The following KCNJ6 variants were observed in gnomAD, a reference collection of about 807,000 sequenced individuals.
KCNJ6 encodes the protein potassium inwardly rectifying channel subfamily J member 6.
A neutral mutation model predicts 34.2 loss-of-function variants in KCNJ6; 9 were observed. The observed-to-expected ratio is 0.26, with a 90% CI of 0.16 to 0.46. The LOEUF (loss-of-function observed/expected upper bound fraction) is 0.46. KCNJ6 is among the 20% of genes least tolerant of loss of function. The pLI is 1.00. For synonymous variants in KCNJ6, 196 were observed against 207.1 expected, an observed-to-expected ratio of 0.95 and a Z score of 0.46; for missense variants, 236 against 531.3, an observed-to-expected ratio of 0.44 and a Z score of 5.46.
At chr21:37,808,690 T>C (rs2055305846) in intron 2 of KCNJ6, among the ~76,000 whole-genome samples, 1 of 152,216 alleles carries the variant, frequency 6.6e-6, no homozygotes, top group Non-Finnish European at 1.5e-5. Context: ...TGGACTGATA[T>C]TGGAGGCATG....
intron 1 of KCNJ6, among the ~76,000 whole-genome samples, chr21:37,875,134 T>C (rs2055671515): frequency 1.3e-5 from 2 of 152,178 alleles, no homozygotes; most frequent in South Asian, 4.1e-4. Flanking sequence ...TAAGTGATTC[T>C]AGAAATGAAT....
At chr21:37,837,342 T>C (rs2836010) in intron 2 of KCNJ6, among the ~76,000 whole-genome samples, 40,545 of 152,108 alleles carry the variant, frequency 0.27, 7,419 homozygotes, top group East Asian at 0.51. Flanking sequence ...TATTCAAACA[T>C]TTAAAATTTG....
At chr21:37,639,693 G>A (rs2054372748) in intron 3 of KCNJ6, among the ~76,000 whole-genome samples, 1 of 152,182 alleles carries the variant, frequency 6.6e-6, no homozygotes, top group African/African-American at 2.4e-5. Flanking sequence ...TCCTTGATAT[G>A]GTTTGGATTT....
At chr21:37,688,846 G>A (rs1293549887) in intron 3 of KCNJ6, among the ~76,000 whole-genome samples, 1 of 152,170 alleles carries the variant, frequency 6.6e-6, no homozygotes, top group Non-Finnish European at 1.5e-5. Context: ...CTAGACACAA[G>A]GACATGATGA....
In KCNJ6 at chr21:37,752,036, C is replaced by T. The variant is rs915559628; in HGVS notation, c.26-36905G>A. 3.3e-5 allele frequency among the ~76,000 whole-genome samples: 5 copies of T among 152,206 alleles called. 1 individual carries two copies. Among genetic ancestry groups the T allele is most frequent in the South Asian group, 4.1e-4 (2 of 4,832 alleles). On this transcript the variant is annotated intron_variant, in intron 2 of 3. Transcript: ENST00000609713. ...GTGATGGAAAGCTATCTACAATGTA[C>T]AGAATCTTGTTACTGTGCAGATTTG...
chr21:37,832,513 A>C (rs1430721783), intron 2 of KCNJ6, among the ~76,000 whole-genome samples: 1 of 151,876 alleles, frequency 6.6e-6, no homozygotes, highest in Non-Finnish European at 1.5e-5. Flanking sequence ...TCCCATCTAG[A>C]ATTCTGACAC....
At chr21:37,824,465 G>A (rs114125114) in intron 2 of KCNJ6, among the ~76,000 whole-genome samples, 1,744 of 151,880 alleles carry the variant, frequency 0.011, 33 homozygotes, top group African/African-American at 0.04. Context: ...CCAGGTGTAG[G>A]GGGTGGGGGG....
intron 2 of KCNJ6, among the ~76,000 whole-genome samples, chr21:37,760,618 C>T (rs1000649774): frequency 2.0e-5 from 3 of 152,224 alleles, no homozygotes; most frequent in Non-Finnish European, 4.4e-5. Flanking sequence ...CCAGCTGTCA[C>T]GAGCCAGTAC....
At position 37,610,431 on chromosome 21, in the gene KCNJ6, T is replaced by C. The variant is rs1271432462; in HGVS notation, c.*14728A>G. ...CTGGCCAACATGCTGAAACCCCATC[T>C]CTATTAAAAATACAAAAATTAGCCA... On this transcript the variant is annotated 3_prime_UTR_variant, in exon 4 of 4. Coordinates refer to ENST00000609713, the MANE Select transcript of KCNJ6 (RefSeq NM_002240.5). 1.3e-5 allele frequency: 2 copies of C among 151,864 alleles called. No homozygotes were observed. The highest frequency in any genetic ancestry group is 4.8e-5 in the African/African-American group (2 of 41,332). 9.4% of individuals were successfully genotyped at this position (151,864 alleles called of 1,614,324 possible).
At chr21:37,681,030 A>T (rs1453055995) in intron 3 of KCNJ6, among the ~76,000 whole-genome samples, 4 of 152,214 alleles carry the variant, frequency 2.6e-5, no homozygotes, top group African/African-American at 9.7e-5. Context: ...GTAGCTCTGC[A>T]GAGGTTCCCA....
chr21:37,768,912 C>A (rs1310608026), intron 2 of KCNJ6, among the ~76,000 whole-genome samples: 3 of 152,144 alleles, frequency 2.0e-5, no homozygotes, highest in African/African-American at 4.8e-5. Flanking sequence ...GGGAGCCCAC[C>A]TACCTGAAGG....
At chr21:37,853,835 C>CATATATATGTGTGTAT (rs1399366665) in intron 1 of KCNJ6, among the ~76,000 whole-genome samples, 6 of 43,238 alleles carry the variant, frequency 1.4e-4, no homozygotes, top group Non-Finnish European at 1.9e-4. Context: ...TTAAGAGATA[C>CATATATATGTGTGTAT]ATATATATAT....
rs2054275731 is a variant in KCNJ6, at chr21:37,617,225, C to CT, written c.*7933dup. Reference sequence around the variant, plus strand: ...CCTTCCTTCCTTCCTTCCTTCTTTTCTTTCTTTTTTTGAGACTGAGTCTCG... The same window carrying CT: ...CCTTCCTTCCTTCCTTCCTTCTTTTCTTTTCTTTTTTTGAGACTGAGTCTCG... On this transcript the variant is annotated 3_prime_UTR_variant, in exon 4 of 4. Coordinates refer to ENST00000609713, the MANE Select transcript of KCNJ6 (RefSeq NM_002240.5). 8.2e-6 allele frequency: 1 copy of CT among 122,144 alleles called. No homozygotes were observed. Among genetic ancestry groups the CT allele is most frequent in the Admixed American group, 9.1e-5 (1 of 10,936 alleles). 7.6% of individuals were successfully genotyped at this position (122,144 alleles called of 1,614,324 possible).
Position 37,755,176 on chromosome 21 carries a change from G to A in KCNJ6, c.26-40045C>T, listed in dbSNP as rs139537528. Among the ~76,000 whole-genome samples, 270 of 152,224 alleles carry A rather than the reference G, an allele frequency of 1.8e-3. 3 individuals are homozygous for A. The highest frequency in any genetic ancestry group is 6.2e-3 in the African/African-American group (256 of 41,532). On this transcript the variant is annotated intron_variant, in intron 2 of 3. Coordinates refer to ENST00000609713, the MANE Select transcript of KCNJ6 (RefSeq NM_002240.5). ...AAGATAAACAGAATTTTCTAGCACCGTGGAAGGAACAGAAATTACAATAAA... is the reference window on the plus strand; with the variant it reads ...AAGATAAACAGAATTTTCTAGCACCATGGAAGGAACAGAAATTACAATAAA...
At chr21:37,839,810 A>G (rs1054013070) in intron 2 of KCNJ6, among the ~76,000 whole-genome samples, 4 of 151,960 alleles carry the variant, frequency 2.6e-5, no homozygotes, top group Admixed American at 6.6e-5. Context: ...TTTTATTTTT[A>G]TCTTTTATTT....
intron 2 of KCNJ6, among the ~76,000 whole-genome samples, chr21:37,808,524 A>T (rs2055305064): frequency 6.6e-6 from 1 of 152,252 alleles, no homozygotes; most frequent in Admixed American, 6.5e-5. Context: ...GTGCACTTTA[A>T]AAAAGATAGC....
In KCNJ6 at chr21:37,607,479, TATA is replaced by T. The variant is rs948056282; in HGVS notation, c.*17677_*17679del. 1.5e-5 allele frequency: 2 copies of T among 135,392 alleles called. No individual in the cohort carries two copies. Among genetic ancestry groups the T allele is most frequent in the South Asian group, 2.5e-4 (1 of 3,988 alleles). 8.4% of individuals were successfully genotyped at this position (135,392 alleles called of 1,614,324 possible). A position where few individuals can be genotyped will look rare whatever the true frequency, so the allele number is the denominator to read the frequency against. Reference sequence around the variant, plus strand: ...GTTCTTAAAGATATATATATATATATATATTTTTTTTTTATTTTAAAAAAATTT... The same window carrying T: ...GTTCTTAAAGATATATATATATATATTTTTTTTTTTATTTTAAAAAAATTT... On this transcript the variant is annotated 3_prime_UTR_variant, in exon 4 of 4. Transcript: ENST00000609713.
chr21:37,668,893 C>A (rs569745564), intron 3 of KCNJ6, among the ~76,000 whole-genome samples: 1 of 152,182 alleles, frequency 6.6e-6, no homozygotes, highest in South Asian at 2.1e-4. Flanking sequence ...AATGGTGCTG[C>A]AAAGCTGGCT....
intron 2 of KCNJ6, among the ~76,000 whole-genome samples, chr21:37,837,245 A>G (rs915396910): frequency 5.9e-5 from 9 of 152,032 alleles, no homozygotes; most frequent in Non-Finnish European, 1.2e-4. Flanking sequence ...CAATAATGTG[A>G]CGTAAAATAT....
Sources: allele counts gnomAD v4.1 joint callset (sites outside exome capture counted in the v4.1 genomes callset), GRCh38; gene constraint gnomAD v4.1.1; transcripts MANE v1.5; gene names NCBI Gene and HGNC (gene_info 2026-07-23, HGNC 2026-07-21).